Variants in PRORP observed in about 807,000 individuals in gnomAD.
The protein encoded by PRORP is mitochondrial ribonuclease P catalytic subunit.
PRORP carries 51 observed loss-of-function variants against 59.4 expected under a neutral mutation model. The observed-to-expected ratio is 0.86, with a 90% CI of 0.69 to 1.08. The LOEUF is 1.08. PRORP is among the 50% of genes least tolerant of loss of function. The pLI is 0.00. For missense variants in PRORP, 646 were observed against 690.3 expected, an observed-to-expected ratio of 0.94 and a Z score of 0.72; for synonymous variants, 231 against 245.6, an observed-to-expected ratio of 0.94 and a Z score of 0.55.
intron 5 of PRORP, among the ~76,000 whole-genome samples, chr14:35,226,985 C>T (rs536057810): frequency 1.3e-5 from 2 of 151,956 alleles, no homozygotes; most frequent in Admixed American, 1.3e-4. Flanking sequence ...ATCCACCCGC[C>T]TCTGTCTCCC....
intron 4 of PRORP, among the ~76,000 whole-genome samples, chr14:35,172,377 T>A (rs2048331114): frequency 6.6e-6 from 1 of 151,448 alleles, no homozygotes; most frequent in South Asian, 2.1e-4. Context: ...TCTTGTCTGC[T>A]AACTCAGGCA....
chr14:35,121,960 G>A (rs772818939), upstream of PRORP: 9 of 1,614,062 alleles, frequency 5.6e-6, no homozygotes, highest in African/African-American at 9.3e-5. Context: ...TCCAGTCCAT[G>A]GCCGACTTCC....
chr14:35,138,819 C>T (rs1566450200), intron 4 of PRORP, among the ~76,000 whole-genome samples: 2 of 143,758 alleles, frequency 1.4e-5, no homozygotes, highest in Admixed American at 1.5e-4. Flanking sequence ...TAGACGGAGT[C>T]TCCCTCTGTC....
intron 5 of PRORP, among the ~76,000 whole-genome samples, chr14:35,191,522 C>T (rs2048883274): frequency 6.6e-6 from 1 of 151,850 alleles, no homozygotes; most frequent in South Asian, 2.1e-4. Flanking sequence ...GGCAACATAG[C>T]GAGACCCCAT....
Position 35,123,755 on chromosome 14 carries a change from T to C in PRORP, c.510T>C (p.Asn170=), listed in dbSNP as rs760703139. 2.5e-6 allele frequency: 4 copies of C among 1,614,118 alleles called. No homozygotes were observed. In the Admixed American group the frequency reaches 6.7e-5, roughly 27 times the overall value. Residue 170 remains asparagine, a synonymous_variant, in exon 2 of 8, where the codon AAT becomes AAC. Coordinates refer to ENST00000534898, the MANE Select transcript of PRORP (RefSeq NM_014672.4). The part of the protein sequence containing the change: ...SLLAWVAAKN[N]GIVSYDLLVK... The stretch of plus-strand genomic sequence containing the variant: ...TGGCATGGGTAGCAGCCAAAAATAA[T>C]GGTATTGTAAGTTACGATTTACTGG...
At chr14:35,236,112 A>AG (rs1456496049) in intron 5 of PRORP, among the ~76,000 whole-genome samples, 7 of 151,640 alleles carry the variant, frequency 4.6e-5, no homozygotes, top group Non-Finnish European at 8.8e-5. Flanking sequence ...AAAAAAAAAA[A>AG]AAAAAAGCAT....
intron 5 of PRORP, among the ~76,000 whole-genome samples, chr14:35,228,861 GA>G (rs1324884749): frequency 6.6e-6 from 1 of 152,142 alleles, no homozygotes; most frequent in Non-Finnish European, 1.5e-5. Context: ...TAAGTTATTT[GA>G]AAAATCTCCA....
chr14:35,206,139 TC>T (rs1431616821), intron 5 of PRORP, among the ~76,000 whole-genome samples: 1 of 152,260 alleles, frequency 6.6e-6, no homozygotes, highest in Non-Finnish European at 1.5e-5. Flanking sequence ...GTTTGGTGAC[TC>T]CTTTTAGTCT....
chr14:35,222,884 T>C (rs759324752), intron 5 of PRORP: 1 of 152,250 alleles, frequency 6.6e-6, no homozygotes, highest in Non-Finnish European at 1.5e-5. Flanking sequence ...TCTCTCCATT[T>C]TTCCCCATCA....
chr14:35,222,066 A>G (rs1265252220), intron 5 of PRORP: 1 of 152,156 alleles, frequency 6.6e-6, no homozygotes, highest in Non-Finnish European at 1.5e-5. Flanking sequence ...GTCATTTCTT[A>G]ATATTATATT....
intron 5 of PRORP, among the ~76,000 whole-genome samples, chr14:35,254,150 C>T (rs955720641): frequency 1.9e-4 from 29 of 151,880 alleles, no homozygotes; most frequent in Admixed American, 1.4e-3. Context: ...CTTTATCCCT[C>T]TCCTTGTTTC....
chr14:35,272,756 AC>A (rs1355466114), intron 7 of PRORP, among the ~76,000 whole-genome samples: 1 of 152,130 alleles, frequency 6.6e-6, no homozygotes, highest in African/African-American at 2.4e-5. Context: ...GCATTTCTCT[AC>A]TTTTGTTTAC....
intron 4 of PRORP, among the ~76,000 whole-genome samples, chr14:35,155,312 A>C (rs1312210916): frequency 6.6e-6 from 1 of 152,172 alleles, no homozygotes; most frequent in Non-Finnish European, 1.5e-5. Context: ...GTTATATATG[A>C]AACAAGATTG....
chr14:35,180,450 A>C (rs936001801), intron 4 of PRORP, among the ~76,000 whole-genome samples: 1 of 152,066 alleles, frequency 6.6e-6, no homozygotes, highest in East Asian at 1.9e-4. Context: ...GCACTATGAG[A>C]TTATAGAGTG....
chr14:35,185,570 C>G (rs2048720674), intron 5 of PRORP, among the ~76,000 whole-genome samples: 1 of 152,138 alleles, frequency 6.6e-6, no homozygotes, highest in Non-Finnish European at 1.5e-5. Context: ...TTCCACCTGC[C>G]AATACCTTCC....
intron 4 of PRORP, among the ~76,000 whole-genome samples, chr14:35,135,266 T>G (rs1307863574): frequency 6.6e-6 from 1 of 152,206 alleles, no homozygotes; most frequent in Non-Finnish European, 1.5e-5. Flanking sequence ...CCTCACCTGA[T>G]TTTTGGTTCT....
In PRORP at chr14:35,266,781, G is replaced by C; in HGVS notation, c.1330G>C (p.Gly444Arg). 1.2e-6 allele frequency: 2 copies of C among 1,614,142 alleles called. No individual in the cohort carries two copies. The highest frequency in any genetic ancestry group is 1.1e-5 in the South Asian group (1 of 91,084). The change falls in exon 6 of 8, where the codon GGC becomes CGC. Residue 444 changes from glycine (G) to arginine (R), a missense_variant. Gly to Arg is a moderately radical substitution (Grantham distance 125). Coordinates refer to ENST00000534898, the MANE Select transcript of PRORP (RefSeq NM_014672.4). ...AKRNLRLLVLGRKHMLRRSSQ... is the reference protein window; with the variant it reads ...AKRNLRLLVLRRKHMLRRSSQ... ...ACGGAATCTGCGACTGCTGGTCCTA[G>C]GCCGGAAGCACATGCTAAGACGGAG...
At chr14:35,146,144 T>G (rs1408088970) in intron 4 of PRORP, among the ~76,000 whole-genome samples, 3 of 152,148 alleles carry the variant, frequency 2.0e-5, no homozygotes, top group African/African-American at 7.2e-5. Flanking sequence ...TTTTGAACTT[T>G]TAATGAAACT....
At chr14:35,233,474 G>C (rs1016821079) in intron 5 of PRORP, among the ~76,000 whole-genome samples, 5 of 149,384 alleles carry the variant, frequency 3.3e-5, no homozygotes, top group Non-Finnish European at 5.9e-5. Context: ...AAATCAGTCA[G>C]CTTCCACATT....
Sources: gnomAD v4.1 joint callset for allele counts (sites outside exome capture counted in the v4.1 genomes callset) on GRCh38, gnomAD v4.1.1 for gene constraint, MANE v1.5 for transcripts, NCBI Gene and HGNC (gene_info 2026-07-23, HGNC 2026-07-21) for gene names.